Variants in SNX29 observed in about 807,000 individuals in gnomAD.
The protein encoded by SNX29 is sorting nexin-29.
In SNX29, 78 loss-of-function variants were observed where a neutral mutation model predicts 102.1. That is an observed-to-expected ratio of 0.76 (90% CI 0.64 to 0.92). SNX29 has a LOEUF of 0.92. Among genes scored for constraint, SNX29 ranks in the 40% least tolerant of loss-of-function variants. The pLI, the probability that SNX29 is intolerant of heterozygous loss-of-function variation, is 0.00. For synonymous variants in SNX29, 580 were observed against 414.5 expected, an observed-to-expected ratio of 1.40 and a Z score of -4.85; for missense variants, 1,280 against 1,061.7, an observed-to-expected ratio of 1.21 and a Z score of -2.86.
intron 14 of SNX29, among the ~76,000 whole-genome samples, chr16:12,246,641 TAAC>T (rs1024602895): frequency 5.7e-4 from 87 of 152,008 alleles, no homozygotes; most frequent in African/African-American, 2.0e-3. Flanking sequence ...AAAAAAGAAA[TAAC>T]AACAAAAAAA....
rs577604193 is a variant in SNX29, at chr16:12,006,067, T to C, written c.122+3024T>C. On this transcript the variant is annotated intron_variant, in intron 3 of 20. Coordinates refer to ENST00000566228, the MANE Select transcript of SNX29 (RefSeq NM_032167.5). ...CTATTACTAATAATAGGCCAGGCGC[T>C]GTGGCTCATGTCTGTAATCTCATTG... Among the ~76,000 whole-genome samples, 93 of 152,202 alleles carry C rather than the reference T, an allele frequency of 6.1e-4. 1 individual carries two copies. Among genetic ancestry groups the C allele is most frequent in the African/African-American group, 2.2e-3 (92 of 41,544 alleles).
chr16:12,013,489 A>G lies in SNX29; in HGVS notation c.122+10446A>G, dbSNP rs200423457. The stretch of plus-strand genomic sequence containing the variant: ...AGTGAAACCCTGTCTCTACTGGGGG[A>G]AAAAAAAAAAAATATATATATATAT... On this transcript the variant is annotated intron_variant, in intron 3 of 20. Transcript: ENST00000566228. 3.4e-3 allele frequency among the ~76,000 whole-genome samples: 74 copies of G among 22,030 alleles called. 2 individuals carry two copies. Among genetic ancestry groups the G allele is most frequent in the African/African-American group, 0.014 (70 of 4,898 alleles). The allele number at this position is 22,030 out of a possible 152,430, so 14.5% of individuals were successfully genotyped here. A position where few individuals can be genotyped will look rare whatever the true frequency, so the allele number is the denominator to read the frequency against.
intron 20 of SNX29, among the ~76,000 whole-genome samples, chr16:12,550,320 T>A (rs914071801): frequency 1.3e-5 from 2 of 152,124 alleles, no homozygotes; most frequent in Non-Finnish European, 2.9e-5. Context: ...TTGGGTCACC[T>A]GAGGTCGAGT....
chr16:12,212,726 T>G (rs916010917), intron 14 of SNX29, among the ~76,000 whole-genome samples: 1 of 152,240 alleles, frequency 6.6e-6, no homozygotes, highest in African/African-American at 2.4e-5. Flanking sequence ...TCCTTGTAGA[T>G]TCTGGGTATT....
intron 15 of SNX29, among the ~76,000 whole-genome samples, chr16:12,311,576 C>G (rs965130666): frequency 6.6e-6 from 1 of 152,250 alleles, no homozygotes; most frequent in Non-Finnish European, 1.5e-5. Flanking sequence ...GCCGATGGCC[C>G]GTCCGCCTTT....
At chr16:12,307,387 G>A (rs1273130924) in intron 15 of SNX29, among the ~76,000 whole-genome samples, 2 of 152,320 alleles carry the variant, frequency 1.3e-5, no homozygotes, top group South Asian at 2.1e-4. Context: ...AATGAGAAAT[G>A]CAATTCCTGT....
chr16:12,478,179 G>A (rs2087744403), intron 19 of SNX29, among the ~76,000 whole-genome samples: 1 of 152,160 alleles, frequency 6.6e-6, no homozygotes, highest in African/African-American at 2.4e-5. Context: ...CCTCTGCTGG[G>A]GTCCTGTGTA....
At chr16:12,399,810 A>G (rs1185349917) in intron 17 of SNX29, among the ~76,000 whole-genome samples, 1 of 151,974 alleles carries the variant, frequency 6.6e-6, no homozygotes, top group East Asian at 1.9e-4. Context: ...TCAAAGGTGA[A>G]TTTGCCTGCT....
intron 11 of SNX29, among the ~76,000 whole-genome samples, chr16:12,105,101 A>T (rs1022341802): frequency 2.0e-5 from 3 of 152,218 alleles, no homozygotes; most frequent in African/African-American, 4.8e-5. Context: ...TCAGAGCATG[A>T]GGCAACACCG....
chr16:12,089,125 AAAAGAGAGAGAGAGAGAG>A (rs2052370916), intron 11 of SNX29, among the ~76,000 whole-genome samples: 1 of 89,720 alleles, frequency 1.1e-5, no homozygotes, highest in Non-Finnish European at 2.3e-5. Context: ...AGAGAGAGAG[AAAAGAGAGAGAGAGAGAG>A]AAAAGAGAAA....
At chr16:12,076,389 C>T (rs1339292624) in intron 10 of SNX29, among the ~76,000 whole-genome samples, 1 of 152,002 alleles carries the variant, frequency 6.6e-6, no homozygotes, top group Middle Eastern at 3.4e-3. Context: ...CAACATCCGC[C>T]TCCTGGGTTC....
chr16:12,164,152 G>A (rs1459226551), intron 13 of SNX29, among the ~76,000 whole-genome samples: 3 of 152,164 alleles, frequency 2.0e-5, no homozygotes, highest in South Asian at 2.1e-4. Flanking sequence ...AGCTCTCCCA[G>A]TGTCTGGGGG....
At chr16:12,432,682 C>T (rs2085362260) in intron 18 of SNX29, among the ~76,000 whole-genome samples, 1 of 152,230 alleles carries the variant, frequency 6.6e-6, no homozygotes, top group African/African-American at 2.4e-5. Flanking sequence ...ACAGGGCTGT[C>T]TAGGTCCATG....
chr16:12,508,157 T>A (rs1280714134), intron 19 of SNX29, among the ~76,000 whole-genome samples: 2 of 152,298 alleles, frequency 1.3e-5, no homozygotes, highest in East Asian at 3.9e-4. Context: ...GTATTTTGAG[T>A]GGTGCCTGGT....
chr16:12,049,754 A>G (rs545483545), intron 7 of SNX29, among the ~76,000 whole-genome samples: 1 of 152,182 alleles, frequency 6.6e-6, no homozygotes, highest in East Asian at 1.9e-4. Context: ...AGATGTTACT[A>G]CAGCAAAATT....
chr16:12,057,848 C>G (rs552535114), intron 8 of SNX29, among the ~76,000 whole-genome samples: 1 of 149,582 alleles, frequency 6.7e-6, no homozygotes, highest in Non-Finnish European at 1.5e-5. Context: ...GCTGGGTTCT[C>G]GCTCTGTCAC....
intron 11 of SNX29, among the ~76,000 whole-genome samples, chr16:12,116,872 CA>C (rs1358077177): frequency 5.9e-5 from 9 of 152,174 alleles, no homozygotes; most frequent in Non-Finnish European, 1.2e-4. Context: ...CAGGCTTAGT[CA>C]ATACCTGCTT....
chr16:12,030,529 C>T (rs1226893892), intron 4 of SNX29, among the ~76,000 whole-genome samples: 1 of 152,204 alleles, frequency 6.6e-6, no homozygotes, highest in East Asian at 1.9e-4. Flanking sequence ...TTTTCTGTCT[C>T]TCACATGGGT....
intron 10 of SNX29, among the ~76,000 whole-genome samples, chr16:12,069,723 C>T (rs1189809254): frequency 6.6e-6 from 1 of 150,572 alleles, no homozygotes; most frequent in African/African-American, 2.4e-5. Flanking sequence ...GACAGTCTCG[C>T]TGTGTTGCCC....
Sources: allele counts gnomAD v4.1 joint callset (sites outside exome capture counted in the v4.1 genomes callset), GRCh38; gene constraint gnomAD v4.1.1; transcripts MANE v1.5; gene names NCBI Gene and HGNC (gene_info 2026-07-23, HGNC 2026-07-21).